The following SND1 variants were observed in gnomAD, a reference collection of about 807,000 sequenced individuals.
SND1 encodes staphylococcal nuclease and tudor domain containing 1, also known as staphylococcal nuclease domain-containing protein 1.
SND1 carries 38 observed loss-of-function variants against 121.7 expected under a neutral mutation model. That is an observed-to-expected ratio of 0.31 (90% confidence interval 0.24 to 0.41). The LOEUF (loss-of-function observed/expected upper bound fraction) is 0.41. Ranked by LOEUF, SND1 falls within the 10% of genes least tolerant of loss-of-function variation. SND1 has a pLI of 1.00. For missense variants in SND1, 868 were observed against 1,184.6 expected (o/e 0.73, Z 3.92); for synonymous variants, 401 against 447.4 (o/e 0.90, Z 1.31).
At chr7:127,897,757 G>A (rs1800148592) in intron 13 of SND1, among the ~76,000 whole-genome samples, 1 of 152,042 alleles carries the variant, frequency 6.6e-6, no homozygotes, top group Non-Finnish European at 1.5e-5. Flanking sequence ...AGCAACAGGG[G>A]ATTGATTAAA....
At chr7:128,067,878 C>G (rs1167134460) in intron 16 of SND1, among the ~76,000 whole-genome samples, 1 of 146,504 alleles carries the variant, frequency 6.8e-6, no homozygotes, top group Non-Finnish European at 1.5e-5. Context: ...TGCCCTGAGT[C>G]ATCAAGGGGA....
At chr7:127,804,044 A>G (rs548599932) in intron 10 of SND1, among the ~76,000 whole-genome samples, 1 of 152,352 alleles carries the variant, frequency 6.6e-6, no homozygotes, top group South Asian at 2.1e-4. Flanking sequence ...TGTAAATTAG[A>G]ATCTAAACTA....
At chr7:127,680,238 G>A (rs965030502) in intron 1 of SND1, among the ~76,000 whole-genome samples, 1 of 152,154 alleles carries the variant, frequency 6.6e-6, no homozygotes, top group African/African-American at 2.4e-5. Context: ...AATGGAGGCA[G>A]GGCGAGATCA....
At chr7:127,875,315 T>G (rs528837840) in intron 12 of SND1, among the ~76,000 whole-genome samples, 7 of 152,264 alleles carry the variant, frequency 4.6e-5, no homozygotes, top group Non-Finnish European at 1.0e-4. Context: ...TATGATCTAG[T>G]TGGGAAGACA....
intron 14 of SND1, 137 bp downstream of exon 14, chr7:127,904,956 C>G (rs1028672201): frequency 6.6e-6 from 4 of 608,342 alleles, no homozygotes; most frequent in Non-Finnish European, 1.2e-5. Context: ...TTCCCCACCC[C>G]GGGGCATCTA....
At chr7:127,806,491 T>C (rs1251945691) in intron 10 of SND1, among the ~76,000 whole-genome samples, 1 of 152,186 alleles carries the variant, frequency 6.6e-6, no homozygotes, top group Non-Finnish European at 1.5e-5. Flanking sequence ...CTTCTTTTGG[T>C]TTTTCTGTTT....
At chr7:127,847,731 C>T (rs930772160) in intron 12 of SND1, among the ~76,000 whole-genome samples, 3 of 152,214 alleles carry the variant, frequency 2.0e-5, no homozygotes, top group Non-Finnish European at 4.4e-5. Flanking sequence ...TATTGAGCAA[C>T]GGGCTCACTG....
intron 12 of SND1, among the ~76,000 whole-genome samples, chr7:127,873,375 C>T (rs1173086874): frequency 3.9e-5 from 6 of 152,168 alleles, no homozygotes; most frequent in Non-Finnish European, 8.8e-5. Flanking sequence ...CACTACCCAG[C>T]CACCTTTCCT....
chr7:127,924,353 A>G (rs900949051), intron 14 of SND1, among the ~76,000 whole-genome samples: 7 of 152,186 alleles, frequency 4.6e-5, no homozygotes, highest in Admixed American at 1.3e-4. Context: ...ATTATTAACA[A>G]TTTCCATTTG....
intron 10 of SND1, among the ~76,000 whole-genome samples, chr7:127,747,068 A>G (rs184519206): frequency 6.6e-6 from 1 of 152,226 alleles, no homozygotes; most frequent in Non-Finnish European, 1.5e-5. Flanking sequence ...TTCAGCATGC[A>G]TGAGATGTTT....
At chr7:127,999,873 C>T (rs1395377205) in intron 16 of SND1, 1 of 152,116 alleles carries the variant, frequency 6.6e-6, no homozygotes, top group African/African-American at 2.4e-5. Context: ...TATGTAGGGC[C>T]TATGACCTAG....
intron 9 of SND1, among the ~76,000 whole-genome samples, chr7:127,711,151 A>G (rs1796290626): frequency 6.6e-6 from 1 of 152,264 alleles, no homozygotes; most frequent in Middle Eastern, 3.4e-3. Flanking sequence ...TAGAGCTGTC[A>G]TCTTTGGATT....
intron 16 of SND1, among the ~76,000 whole-genome samples, chr7:128,009,862 G>A (rs1447283915): frequency 6.6e-6 from 1 of 151,550 alleles, no homozygotes; most frequent in Non-Finnish European, 1.5e-5. Flanking sequence ...GCCAAGAAAT[G>A]AGAAAGGAGT....
At chr7:127,661,720 C>T (rs889529557) in intron 1 of SND1, among the ~76,000 whole-genome samples, 7 of 152,008 alleles carry the variant, frequency 4.6e-5, no homozygotes, top group Admixed American at 3.3e-4. Context: ...TCCTTCAGAG[C>T]GTTCAGGTGG....
At chr7:128,065,380 G>T (rs545837518) in intron 16 of SND1, among the ~76,000 whole-genome samples, 21 of 152,210 alleles carry the variant, frequency 1.4e-4, no homozygotes, top group Admixed American at 5.2e-4. Flanking sequence ...GGCCCCATTG[G>T]GGGGGTCACA....
intron 12 of SND1, among the ~76,000 whole-genome samples, chr7:127,860,683 A>G (rs1584624582): frequency 6.6e-6 from 1 of 152,222 alleles, no homozygotes; most frequent in Admixed American, 6.5e-5. Flanking sequence ...CTGTTGTTTT[A>G]AAACACCCTC....
At chr7:127,882,420 G>GGAGAGGT (rs1799810001) in intron 12 of SND1, among the ~76,000 whole-genome samples, 2 of 118,540 alleles carry the variant, frequency 1.7e-5, no homozygotes, top group Non-Finnish European at 3.6e-5. Flanking sequence ...GGAGAAAAGA[G>GGAGAGGT]GAGAGGAGGG....
chr7:127,757,599 C>T (rs1295546314), intron 10 of SND1, among the ~76,000 whole-genome samples: 1 of 152,170 alleles, frequency 6.6e-6, no homozygotes, highest in African/African-American at 2.4e-5. Flanking sequence ...TTTATAGTGG[C>T]ATCTCAGTTG....
intron 16 of SND1, among the ~76,000 whole-genome samples, chr7:128,036,987 A>G (rs1380422045): frequency 6.6e-6 from 1 of 152,206 alleles, no homozygotes; most frequent in Non-Finnish European, 1.5e-5. Context: ...TACTCCTCAC[A>G]ACAGCTCTGT....
Sources: allele counts gnomAD v4.1 joint callset (sites outside exome capture counted in the v4.1 genomes callset), GRCh38; gene constraint gnomAD v4.1.1; transcripts MANE v1.5; gene names NCBI Gene and HGNC (gene_info 2026-07-23, HGNC 2026-07-21).